The following RPS6KB1 variants were observed in gnomAD, a reference collection of about 807,000 sequenced individuals.
The protein encoded by RPS6KB1 is ribosomal protein S6 kinase beta-1.
Under a neutral mutation model 70.2 loss-of-function variants are expected in RPS6KB1, and 12 were observed. The observed-to-expected ratio is 0.17, with a 90% CI of 0.11 to 0.28. The LOEUF (loss-of-function observed/expected upper bound fraction) is 0.28, where lower values mean the gene tolerates loss of function less well. Ranked by LOEUF, RPS6KB1 falls within the 10% of genes least tolerant of loss-of-function variation. The pLI is 1.00. For synonymous variants in RPS6KB1, 175 were observed against 211.2 expected, an observed-to-expected ratio of 0.83 and a Z score of 1.49; for missense variants, 270 against 646.6, an observed-to-expected ratio of 0.42 and a Z score of 6.32.
At chr17:59,912,176 T>C (rs759469653) in intron 2 of RPS6KB1, 16 of 166,322 alleles carry the variant, frequency 9.6e-5, no homozygotes, top group Non-Finnish European at 1.9e-4. Flanking sequence ...TCTTTTACTT[T>C]GTTGCACTCC....
chr17:59,898,545 C>A (rs937496994), intron 1 of RPS6KB1, among the ~76,000 whole-genome samples: 3 of 151,916 alleles, frequency 2.0e-5, no homozygotes, highest in Non-Finnish European at 4.4e-5. Context: ...CCTCTGCCTC[C>A]TGGGTTCAAG....
chr17:59,908,453 G>A (rs1163954760), intron 1 of RPS6KB1, among the ~76,000 whole-genome samples: 1 of 151,252 alleles, frequency 6.6e-6, no homozygotes, highest in East Asian at 2.0e-4. Context: ...CACCCGCCTC[G>A]GCCTCCCAAA....
rs71370143 is a variant in RPS6KB1, at chr17:59,915,775, C to CTTTTTTTTTTTTTT, written c.381+1083_381+1096dup. 1.5e-4 allele frequency among the ~76,000 whole-genome samples: 12 copies of CTTTTTTTTTTTTTT among 77,908 alleles called. 1 individual carries two copies. Among genetic ancestry groups the CTTTTTTTTTTTTTT allele is most frequent in the East Asian group, 4.8e-4 (1 of 2,096 alleles). The allele number at this position is 77,908 out of a possible 152,430, so 51.1% of individuals were successfully genotyped here. A position where few individuals can be genotyped will look rare whatever the true frequency, so the allele number is the denominator to read the frequency against. ...GCCACTGCGCCTGGCCTACTGCTAT[C>CTTTTTTTTTTTTTT]TTTTTTTTTTTTTTTTTTTTTTTTA... On this transcript the variant is annotated intron_variant, in intron 4 of 14. Coordinates refer to ENST00000225577, the MANE Select transcript of RPS6KB1 (RefSeq NM_003161.4).
intron 5 of RPS6KB1, among the ~76,000 whole-genome samples, chr17:59,928,772 A>T (rs2043770052): frequency 1.3e-5 from 2 of 152,230 alleles, no homozygotes; most frequent in Non-Finnish European, 2.9e-5. Context: ...AATCTGGAAC[A>T]TTTCCTCAGT....
chr17:59,918,210 G>C (rs949334563), intron 4 of RPS6KB1, among the ~76,000 whole-genome samples: 1 of 152,192 alleles, frequency 6.6e-6, no homozygotes, highest in Non-Finnish European at 1.5e-5. Flanking sequence ...GGGATTACAG[G>C]CGTAAGCCAC....
intron 7 of RPS6KB1, among the ~76,000 whole-genome samples, chr17:59,932,446 A>G (rs1349194870): frequency 5.3e-5 from 8 of 152,032 alleles, no homozygotes; most frequent in Non-Finnish European, 7.4e-5. Context: ...ATTAGAAGCT[A>G]TGCTTCTTAC....
chr17:59,948,927 A>C lies in RPS6KB1; in HGVS notation c.*2139A>C, dbSNP rs144391145. The C allele has an allele frequency of 6.5e-6, 1 of 152,728 alleles. No individual in the cohort carries two copies. Among genetic ancestry groups the C allele is most frequent in the African/African-American group, 2.4e-5 (1 of 41,580 alleles). 9.5% of individuals were successfully genotyped at this position (152,728 alleles called of 1,614,324 possible). A position where few individuals can be genotyped will look rare whatever the true frequency, so the allele number is the denominator to read the frequency against. ...GTTTTCAAATATGTTTACTAACTGTAGTGTTGACTGCCTGACCAAATTCCA... is the reference window on the plus strand; with the variant it reads ...GTTTTCAAATATGTTTACTAACTGTCGTGTTGACTGCCTGACCAAATTCCA... On this transcript the variant is annotated 3_prime_UTR_variant, in exon 15 of 15. Coordinates refer to ENST00000225577, the MANE Select transcript of RPS6KB1 (RefSeq NM_003161.4).
At chr17:59,900,230 A>ACACACACCCC (rs1355022894) in intron 1 of RPS6KB1, among the ~76,000 whole-genome samples, 4 of 136,736 alleles carry the variant, frequency 2.9e-5, no homozygotes, top group South Asian at 4.8e-4. Flanking sequence ...ACACACACAC[A>ACACACACCCC]CCCCTATGTG....
chr17:59,932,408 G>A (rs374962135), intron 7 of RPS6KB1, among the ~76,000 whole-genome samples: 1 of 151,894 alleles, frequency 6.6e-6, no homozygotes. Context: ...GCGAGACTCC[G>A]TCTCAAAAAA....
intron 4 of RPS6KB1, among the ~76,000 whole-genome samples, chr17:59,916,724 T>G (rs1045316186): frequency 2.6e-5 from 4 of 152,214 alleles, no homozygotes; most frequent in Non-Finnish European, 5.9e-5. Flanking sequence ...GCTCCTTCAG[T>G]GTTGGATCTT....
At chr17:59,901,784 A>G (rs1321973902) in intron 1 of RPS6KB1, among the ~76,000 whole-genome samples, 1 of 151,814 alleles carries the variant, frequency 6.6e-6, no homozygotes, top group Non-Finnish European at 1.5e-5. Flanking sequence ...TGATCCCAAC[A>G]CTTTGGGAGG....
At chr17:59,943,704 C>T (rs1002197253) in intron 13 of RPS6KB1, among the ~76,000 whole-genome samples, 4 of 151,374 alleles carry the variant, frequency 2.6e-5, no homozygotes, top group Non-Finnish European at 5.9e-5. Context: ...TGGTGAAAAC[C>T]CATCTCTACT....
In RPS6KB1 at chr17:59,893,278, C is replaced by T. The variant is rs768306191; in HGVS notation, c.94C>T (p.Leu32=). 4.3e-6 allele frequency: 7 copies of T among 1,612,038 alleles called. No homozygotes were observed. The highest frequency in any genetic ancestry group is 5.9e-6 in the Non-Finnish European group (7 of 1,179,370). ...CATGGCAGGAGTGTTTGACATAGAC[C>T]TGGACCAGCCAGAGGACGCGGGCTC... The part of the protein sequence containing the change: ...EDMAGVFDID[L]DQPEDAGSED... Residue 32 remains leucine (L), a synonymous_variant, in exon 1 of 15, where the codon CTG becomes TTG. Coordinates refer to ENST00000225577, the MANE Select transcript of RPS6KB1 (RefSeq NM_003161.4). The surrounding 1 kb of genome is among the most constrained non-coding windows in gnomAD (Gnocchi z 4.1).
At chr17:59,924,261 G>A (rs894572567) in intron 4 of RPS6KB1, among the ~76,000 whole-genome samples, 4 of 152,024 alleles carry the variant, frequency 2.6e-5, no homozygotes, top group African/African-American at 7.2e-5. Context: ...CCTGGGAGGC[G>A]GAGGTTGCAG....
At chr17:59,905,378 A>T (rs1363326418) in intron 1 of RPS6KB1, among the ~76,000 whole-genome samples, 1 of 152,098 alleles carries the variant, frequency 6.6e-6, no homozygotes, top group Non-Finnish European at 1.5e-5. Context: ...AAATCGATTT[A>T]TTGATTTTTT....
intron 1 of RPS6KB1, among the ~76,000 whole-genome samples, chr17:59,902,522 A>G (rs62081834): frequency 1.3e-5 from 2 of 150,048 alleles, no homozygotes; most frequent in African/African-American, 4.9e-5. Context: ...GTTGATGTTC[A>G]TTTGAGTTAT....
intron 4 of RPS6KB1, among the ~76,000 whole-genome samples, chr17:59,915,526 T>C (rs1007487424): frequency 8.6e-5 from 13 of 150,680 alleles, no homozygotes; most frequent in Non-Finnish European, 1.5e-4. Context: ...AGTGCAGTTG[T>C]ACAATCTCAG....
At chr17:59,930,780 A>ATTCCATTGTTTAATTTCAGGCCT (rs2043884645) in intron 6 of RPS6KB1, 1 of 152,252 alleles carries the variant, frequency 6.6e-6, no homozygotes, top group South Asian at 2.1e-4. Context: ...CCAAAACTGC[A>ATTCCATTGTTTAATTTCAGGCCT]TTCCATTGTT....
Position 59,949,354 on chromosome 17 carries a change from C to T in RPS6KB1, c.*2566C>T, listed in dbSNP as rs1187176302. 2.6e-5 allele frequency: 4 copies of T among 152,512 alleles called. No homozygotes were observed. The highest frequency in any genetic ancestry group is 4.1e-4 in the South Asian group (2 of 4,822). The allele number at this position is 152,512 out of a possible 1,614,324, so 9.4% of individuals were successfully genotyped here. A position where few individuals can be genotyped will look rare whatever the true frequency, so the allele number is the denominator to read the frequency against. ...CCAAGCATAGTTTAAAATATGATGT[C>T]GATATTACTAGTCTTGAGTTTCTAA... On this transcript the variant is annotated 3_prime_UTR_variant, in exon 15 of 15. Coordinates refer to ENST00000225577, the MANE Select transcript of RPS6KB1 (RefSeq NM_003161.4).
Sources: gnomAD v4.1 joint callset for allele counts (sites outside exome capture counted in the v4.1 genomes callset) on GRCh38, gnomAD v4.1.1 for gene constraint, Gnocchi (gnomAD v3.1) non-coding constraint, MANE v1.5 for transcripts, NCBI Gene and HGNC (gene_info 2026-07-23, HGNC 2026-07-21) for gene names.